Variants in NPR1 observed in about 807,000 individuals in gnomAD.
NPR1 encodes atrial natriuretic peptide receptor 1.
Under a neutral mutation model 116.9 loss-of-function variants are expected in NPR1, and 57 were observed. That is an observed-to-expected ratio of 0.49 (90% CI 0.39 to 0.61). The LOEUF is 0.61. Among genes scored for constraint, NPR1 ranks in the 20% least tolerant of loss-of-function variants. The pLI, the probability that NPR1 is intolerant of heterozygous loss-of-function variation, is 0.00. For synonymous variants in NPR1, 555 were observed against 601.6 expected (o/e 0.92, Z 1.13); for missense variants, 1,096 against 1,409.8 (o/e 0.78, Z 3.56).
chr1:153,689,758 C>T lies in NPR1; in HGVS notation c.2758-48C>T, dbSNP rs769706382. 7 of 1,466,502 alleles carry T rather than the reference C, an allele frequency of 4.8e-6. No individual in the cohort carries two copies. The highest frequency in any genetic ancestry group is 4.5e-5 in the Admixed American group (2 of 43,966). 90.8% of individuals were successfully genotyped at this position (1,466,502 alleles called of 1,614,324 possible). ...CACCCGGTGTGACGGTGTGGCCGGC[C>T]GCACAGTTGCAGCCGTCAAGTCCTG... On this transcript the variant is annotated intron_variant, in intron 18 of 21. Transcript: ENST00000368680. The surrounding 1 kb of genome is among the most constrained non-coding windows in gnomAD (Gnocchi z 5.1).
At chr1:153,683,238 T>G (rs1373821579) in intron 5 of NPR1, 138 bp from the exon 6 acceptor site, 1 of 951,788 alleles carries the variant, frequency 1.1e-6, no homozygotes, top group Non-Finnish European at 1.5e-6. Context: ...CAGTGGGGAC[T>G]TGGTAAGCAG....
Position 153,683,361 on chromosome 1 carries a change from C to T in NPR1, c.1264-15C>T, listed in dbSNP as rs371004704. 8.8e-4 allele frequency: 1,424 copies of T among 1,612,554 alleles called. 25 individuals carry two copies. The South Asian group carries it at 0.013, about 15-fold the overall frequency. On this transcript the variant is annotated splice_polypyrimidine_tract_variant and intron_variant, in intron 5 of 21. Coordinates refer to ENST00000368680, the MANE Select transcript of NPR1 (RefSeq NM_000906.4). ...CGCAGGCCCTGGCCTAGCCACCACT[C>T]CTGCTCTCCCTTAGGTTGTACTGAA...
chr1:153,679,438 C>G lies in NPR1; in HGVS notation c.330C>G (p.Pro110=), dbSNP rs1490735082. ...TGGACCTCAAGTGGGAGCACAACCC[C>G]GCTGTGTTCCTGGGCCCCGGCTGCG... ...AAVDLKWEHN[P]AVFLGPGCVY... Residue 110 remains proline (P), a synonymous_variant, in exon 1 of 22, where the codon CCC becomes CCG. Transcript: ENST00000368680. This position sits in a 1 kb window ranked among gnomAD's most constrained non-coding sequence, Gnocchi z 4.2. 1.3e-6 allele frequency: 2 copies of G among 1,543,240 alleles called. No individual in the cohort carries two copies. The highest frequency in any genetic ancestry group is 1.9e-5 in the Admixed American group (1 of 51,762).
At chr1:153,692,292 C>A (rs557825888) in intron 20 of NPR1, among the ~76,000 whole-genome samples, 1 of 152,260 alleles carries the variant, frequency 6.6e-6, no homozygotes, top group African/African-American at 2.4e-5. Context: ...AAGCAAGTAT[C>A]CAAGCTGAGG....
intron 20 of NPR1, among the ~76,000 whole-genome samples, chr1:153,692,489 G>A (rs1670133808): frequency 1.3e-5 from 2 of 150,180 alleles, no homozygotes; most frequent in Non-Finnish European, 2.9e-5. Flanking sequence ...GAAATGTGAC[G>A]GGTGCAACTG....
At chr1:153,686,370 G>A (rs1225977103) in intron 10 of NPR1, among the ~76,000 whole-genome samples, 170 bp downstream of exon 10, 2 of 152,042 alleles carry the variant, frequency 1.3e-5, no homozygotes, top group Non-Finnish European at 1.5e-5. Context: ...GGTATCCTAA[G>A]CTAGGAGAAG....
intron 8 of NPR1, 133 bp from the exon 9 acceptor site, chr1:153,685,673 C>A (rs1406469100): frequency 3.4e-5 from 24 of 705,334 alleles, no homozygotes; most frequent in Non-Finnish European, 5.9e-5. Flanking sequence ...CAAAAAAAAA[C>A]CCAACAACAA....
At chr1:153,685,785 T>G in intron 8 of NPR1, 21 bp from the exon 9 acceptor site, 1 of 1,608,680 alleles carries the variant, frequency 6.2e-7, no homozygotes, top group Middle Eastern at 1.7e-4. Context: ...TGACCATTCC[T>G]CCTGCTCTCC....
intron 19 of NPR1, 87 bp from the exon 20 acceptor site, chr1:153,690,197 C>G (rs1243279523): frequency 1.9e-6 from 2 of 1,046,026 alleles, no homozygotes; most frequent in Non-Finnish European, 1.4e-6. Flanking sequence ...TGCCTCCTGC[C>G]TGTCTTGGAT....
Position 153,679,248 on chromosome 1 carries a change from C to G in NPR1, c.140C>G (p.Ser47Trp). Residue 47 changes from serine (S) to tryptophan (W), a missense_variant, in exon 1 of 22, where the codon TCG becomes TGG. By Grantham distance (177) the Ser-to-Trp change is radical. Coordinates refer to ENST00000368680, the MANE Select transcript of NPR1 (RefSeq NM_000906.4). The surrounding 1 kb of genome is among the most constrained non-coding windows in gnomAD (Gnocchi z 4.2). ...GTGGTACTGCCGCTGGCCAATACCT[C>G]GTACCCCTGGTCGTGGGCGCGCGTG... Reference protein sequence around the residue: ...VAVVLPLANTSYPWSWARVGP... With the variant: ...VAVVLPLANTWYPWSWARVGP... 1 of 1,528,836 alleles carries G rather than the reference C, an allele frequency of 6.5e-7. No homozygotes were observed. The highest frequency in any genetic ancestry group is 8.8e-7 in the Non-Finnish European group (1 of 1,142,638). 94.7% of individuals were successfully genotyped at this position (1,528,836 alleles called of 1,614,324 possible).
Position 153,678,916 on chromosome 1 carries a change from G to A in NPR1, c.-193G>A, listed in dbSNP as rs1669675078. Reference sequence around the variant, plus strand: ...CCGCGGCGCCCTGCGCGCCCCCCTCGGTCGCGCCCCTTGCGCTCTCGGCCC... The same window carrying A: ...CCGCGGCGCCCTGCGCGCCCCCCTCAGTCGCGCCCCTTGCGCTCTCGGCCC... On this transcript the variant is annotated 5_prime_UTR_variant, in exon 1 of 22. Transcript: ENST00000368680. This position sits in a 1 kb window ranked among gnomAD's most constrained non-coding sequence, Gnocchi z 5.8. 2.8e-6 allele frequency: 2 copies of A among 713,116 alleles called. No individual in the cohort carries two copies. The highest frequency in any genetic ancestry group is 4.1e-6 in the Non-Finnish European group (2 of 486,150). 44.2% of individuals were successfully genotyped at this position (713,116 alleles called of 1,614,324 possible).
At chr1:153,693,044 C>A in intron 20 of NPR1, 62 bp from the exon 21 acceptor site, 3 of 1,357,114 alleles carry the variant, frequency 2.2e-6, no homozygotes, top group African/African-American at 2.9e-5. Flanking sequence ...TCTCTTTTGC[C>A]TCTACTTTCC....
intron 1 of NPR1, among the ~76,000 whole-genome samples, 176 bp from the exon 2 acceptor site, chr1:153,680,325 A>G (rs1372408349): frequency 4.4e-5 from 1 of 22,634 alleles, no homozygotes; most frequent in African/African-American, 1.7e-4. Context: ...CGCCCGTTCC[A>G]CCCTTCGACT....
chr1:153,683,623 C>A (rs1451801440), intron 6 of NPR1, 112 bp downstream of exon 6: 8 of 1,553,086 alleles, frequency 5.2e-6, no homozygotes, highest in Non-Finnish European at 7.1e-6. Context: ...GAGAATGACT[C>A]CTGCCTTTTT....
Position 153,693,165 on chromosome 1 carries a change from G to C in NPR1, c.3091G>C (p.Glu1031Gln), listed in dbSNP as rs369076763. The change falls in exon 21 of 22, where the codon GAG (glutamate) becomes CAG (glutamine). Residue 1031 changes from glutamate to glutamine, a missense_variant. Coordinates refer to ENST00000368680, the MANE Select transcript of NPR1 (RefSeq NM_000906.4). ...TGTCCTGGAGGAGTTTGGTGGTTTC[G>C]AGCTGGAGCTTCGAGGGGATGTAGA... Reference protein sequence around the residue: ...KAVLEEFGGFELELRGDVEMK... With the variant: ...KAVLEEFGGFQLELRGDVEMK... The C allele has an allele frequency of 1.2e-6, 2 of 1,613,878 alleles. No individual in the cohort carries two copies. The highest frequency in any genetic ancestry group is 2.7e-5 in the African/African-American group (2 of 74,912).
At chr1:153,688,910 C>T (rs368749077) in intron 15 of NPR1, 43 bp from the exon 16 acceptor site, 48 of 1,612,492 alleles carry the variant, frequency 3.0e-5, no homozygotes, top group African/African-American at 2.5e-4. Context: ...GTAGGCTGTG[C>T]TGCTCCTCTC....
chr1:153,681,713 A>G lies in NPR1; in HGVS notation c.1045A>G (p.Ile349Val). 1.9e-6 allele frequency: 3 copies of G among 1,613,926 alleles called. No individual in the cohort carries two copies. The highest frequency in any genetic ancestry group is 2.5e-6 in the Non-Finnish European group (3 of 1,179,942). Residue 349 changes from isoleucine to valine, a missense_variant, in exon 4 of 22, where the codon ATC becomes GTC. Transcript: ENST00000368680. Reference sequence around the variant, plus strand: ...CTGTTTGCCCCTACAGGTGAACACCATCCCAGCATCCTTCCACGACGGGCT... The same window carrying G: ...CTGTTTGCCCCTACAGGTGAACACCGTCCCAGCATCCTTCCACGACGGGCT... ...FTMEDGLVNT[I>V]PASFHDGLLL...
Position 153,679,159 on chromosome 1 carries a change from C to CCTGCTGCTGCCGCCG in NPR1, c.62_76dup (p.Pro21_Leu25dup), listed in dbSNP as rs1669684751. ...GCTCCCGCCTGCGCCTGCTCCTGCTCCTGCTGCTGCCGCCGCTGCTGCTGC... is the reference window on the plus strand; with the variant it reads ...GCTCCCGCCTGCGCCTGCTCCTGCTCCTGCTGCTGCCGCCGCTGCTGCTGCCGCCGCTGCTGCTGC... On this transcript the variant is annotated inframe_insertion, in exon 1 of 22. Coordinates refer to ENST00000368680, the MANE Select transcript of NPR1 (RefSeq NM_000906.4). This position sits in a 1 kb window ranked among gnomAD's most constrained non-coding sequence, Gnocchi z 4.2. 6.7e-7 allele frequency: 1 copy of CCTGCTGCTGCCGCCG among 1,499,406 alleles called. No homozygotes were observed. Among genetic ancestry groups the CCTGCTGCTGCCGCCG allele is most frequent in the African/African-American group, 1.5e-5 (1 of 68,650 alleles). The allele number at this position is 1,499,406 out of a possible 1,614,324, so 92.9% of individuals were successfully genotyped here. A position where few individuals can be genotyped will look rare whatever the true frequency, so the allele number is the denominator to read the frequency against.
intron 20 of NPR1, 128 bp downstream of exon 20, chr1:153,690,510 C>G (rs533885557): frequency 3.1e-6 from 2 of 642,818 alleles, no homozygotes; most frequent in African/African-American, 3.6e-5. Flanking sequence ...TTCCCCTTCT[C>G]ATAATATTAA....
Sources: gnomAD v4.1 joint callset for allele counts (sites outside exome capture counted in the v4.1 genomes callset) on GRCh38, gnomAD v4.1.1 for gene constraint, Gnocchi (gnomAD v3.1) non-coding constraint, MANE v1.5 for transcripts, NCBI Gene and HGNC (gene_info 2026-07-23, HGNC 2026-07-21) for gene names.